Variants in ZBTB44 observed in about 807,000 individuals in gnomAD.
ZBTB44 encodes the protein zinc finger and BTB domain-containing protein 44.
A neutral mutation model predicts 54.0 loss-of-function variants in ZBTB44; 15 were observed. The ratio of observed to expected loss-of-function variants is 0.28; its 90% CI spans 0.19 to 0.43. ZBTB44 has a LOEUF of 0.43. ZBTB44 is among the 20% of genes least tolerant of loss of function. The pLI is 1.00. For missense variants in ZBTB44, 487 were observed against 707.1 expected (o/e 0.69, Z 3.53); for synonymous variants, 230 against 250.1 (o/e 0.92, Z 0.76).
intron 2 of ZBTB44, among the ~76,000 whole-genome samples, chr11:130,242,317 A>G (rs1485718647): frequency 6.6e-6 from 1 of 152,138 alleles, no homozygotes; most frequent in Non-Finnish European, 1.5e-5. Flanking sequence ...CACCACTTCC[A>G]TCCTGCCATT....
intron 1 of ZBTB44, chr11:130,295,549 C>T (rs1312837729): frequency 5.7e-6 from 4 of 702,054 alleles, no homozygotes; most frequent in African/African-American, 5.4e-5. Flanking sequence ...AGGTGCCCAG[C>T]CTGCCCCTGG....
At chr11:130,308,519 T>C (rs1282324829) in intron 1 of ZBTB44, among the ~76,000 whole-genome samples, 2 of 152,196 alleles carry the variant, frequency 1.3e-5, no homozygotes, top group South Asian at 2.1e-4. Flanking sequence ...AATAAGATAC[T>C]AGTAGCAATG....
At chr11:130,242,749 T>C (rs1448870311) in intron 2 of ZBTB44, among the ~76,000 whole-genome samples, 1 of 152,218 alleles carries the variant, frequency 6.6e-6, no homozygotes, top group Non-Finnish European at 1.5e-5. Flanking sequence ...GAATTTTCTC[T>C]ACAATGTATC....
At chr11:130,260,266 CTG>C (rs1409230272) in intron 2 of ZBTB44, among the ~76,000 whole-genome samples, 3 of 152,238 alleles carry the variant, frequency 2.0e-5, no homozygotes, top group African/African-American at 2.4e-5. Flanking sequence ...TTCCATACCT[CTG>C]TGTTTGCATA....
chr11:130,256,646 T>A (rs1278531805), intron 2 of ZBTB44, among the ~76,000 whole-genome samples: 2 of 142,138 alleles, frequency 1.4e-5, no homozygotes. Context: ...AGAGTGAGAC[T>A]CCGTCTCAAA....
intron 1 of ZBTB44, among the ~76,000 whole-genome samples, chr11:130,262,300 T>C (rs1938920362): frequency 6.6e-6 from 1 of 152,038 alleles, no homozygotes; most frequent in South Asian, 2.1e-4. Context: ...CCCTCATGCC[T>C]GGCTAAGTTT....
chr11:130,288,380 AAAATAAAT>A (rs544157240), intron 1 of ZBTB44, among the ~76,000 whole-genome samples: 1 of 151,824 alleles, frequency 6.6e-6, no homozygotes, highest in African/African-American at 2.4e-5. Context: ...TCTCGGGAAA[AAAATAAAT>A]AAATAAATAA....
intron 2 of ZBTB44, among the ~76,000 whole-genome samples, chr11:130,241,332 A>G (rs1954354468): frequency 6.6e-6 from 1 of 152,258 alleles, no homozygotes; most frequent in African/African-American, 2.4e-5. Context: ...CACTGCTAGT[A>G]TATCAGAGTT....
intron 1 of ZBTB44, among the ~76,000 whole-genome samples, chr11:130,278,301 G>T (rs1187491380): frequency 6.6e-6 from 1 of 152,170 alleles, no homozygotes; most frequent in African/African-American, 2.4e-5. Context: ...TAAATAAAGT[G>T]TTCAGTACCT....
intron 2 of ZBTB44, 21 bp downstream of exon 2, chr11:130,260,835 A>G: frequency 6.4e-7 from 1 of 1,566,684 alleles, no homozygotes. Flanking sequence ...AGCACCAAGA[A>G]AAACACAGAA....
intron 1 of ZBTB44, among the ~76,000 whole-genome samples, chr11:130,264,159 T>C (rs562963646): frequency 6.6e-6 from 1 of 152,336 alleles, no homozygotes; most frequent in Admixed American, 6.5e-5. Flanking sequence ...ACACACCTCA[T>C]AGAGTTCTGA....
At position 130,294,694 on chromosome 11, in the gene ZBTB44, A is replaced by G. The variant is rs188510878; in HGVS notation, c.-57+19681T>C. On this transcript the variant is annotated intron_variant, in intron 1 of 7. Coordinates refer to ENST00000357899, the MANE Select transcript of ZBTB44 (RefSeq NM_001301098.2). Reference sequence around the variant, plus strand: ...TCAGACCTTAGCGATGACCTTGAGCAGGACAGAAATAACTCCCACATGCTT... The same window carrying G: ...TCAGACCTTAGCGATGACCTTGAGCGGGACAGAAATAACTCCCACATGCTT... Among the ~76,000 whole-genome samples, 458 of 152,280 alleles carry G rather than the reference A, an allele frequency of 3.0e-3. 3 individuals are homozygous for G. The highest frequency in any genetic ancestry group is 5.3e-3 in the Admixed American group (81 of 15,284).
chr11:130,270,981 G>A (rs570899820), intron 1 of ZBTB44, among the ~76,000 whole-genome samples: 6 of 152,260 alleles, frequency 3.9e-5, no homozygotes, highest in Admixed American at 1.3e-4. Context: ...AAGAATGTAC[G>A]GGGACGAAGG....
chr11:130,245,056 T>C (rs1313974058), intron 2 of ZBTB44, among the ~76,000 whole-genome samples: 1 of 152,222 alleles, frequency 6.6e-6, no homozygotes, highest in African/African-American at 2.4e-5. Context: ...CTCATTACTA[T>C]ACAGTGTTCT....
At position 130,282,747 on chromosome 11, in the gene ZBTB44, T is replaced by C. The variant is rs1480506506; in HGVS notation, c.-56-20818A>G. 5.7e-4 allele frequency among the ~76,000 whole-genome samples: 87 copies of C among 152,226 alleles called. 4 individuals are homozygous for C. Among genetic ancestry groups the C allele is most frequent in the Admixed American group, 5.7e-3 (87 of 15,278 alleles). The stretch of plus-strand genomic sequence containing the variant: ...TGGCTACCACCTTAAACGGTTCACA[T>C]TTCTCTCTTCCACGTTGGCAATTAT... On this transcript the variant is annotated intron_variant, in intron 1 of 7. Coordinates refer to ENST00000357899, the MANE Select transcript of ZBTB44 (RefSeq NM_001301098.2).
chr11:130,245,964 T>C (rs1457996388), intron 2 of ZBTB44, among the ~76,000 whole-genome samples: 1 of 152,204 alleles, frequency 6.6e-6, no homozygotes, highest in East Asian at 1.9e-4. Flanking sequence ...AATGTCTAGA[T>C]CCCCTGATTC....
At chr11:130,264,197 T>TTAAAC (rs1171899799) in intron 1 of ZBTB44, among the ~76,000 whole-genome samples, 3 of 152,252 alleles carry the variant, frequency 2.0e-5, no homozygotes, top group Non-Finnish European at 4.4e-5. Context: ...ATATGTTAAG[T>TTAAAC]GTTTAGAATA....
At chr11:130,271,664 A>G (rs1032639546) in intron 1 of ZBTB44, among the ~76,000 whole-genome samples, 9 of 152,120 alleles carry the variant, frequency 5.9e-5, no homozygotes, top group African/African-American at 2.2e-4. Flanking sequence ...ATCATGCCTC[A>G]TTTACATTTA....
At chr11:130,296,432 T>C (rs964876377) in intron 1 of ZBTB44, 16 of 1,348,942 alleles carry the variant, frequency 1.2e-5, no homozygotes, top group Admixed American at 2.2e-5. Context: ...AAAAGCAAAA[T>C]AAATGTACGA....
Sources: allele counts gnomAD v4.1 joint callset (sites outside exome capture counted in the v4.1 genomes callset), GRCh38; gene constraint gnomAD v4.1.1; transcripts MANE v1.5; gene names NCBI Gene and HGNC (gene_info 2026-07-23, HGNC 2026-07-21).